The following FARS2 variants were observed in gnomAD, a reference collection of about 807,000 sequenced individuals.
FARS2 encodes phenylalanine--tRNA ligase, mitochondrial.
FARS2 carries 40 observed loss-of-function variants against 46.4 expected under a neutral mutation model. The ratio of observed to expected loss-of-function variants is 0.86; its 90% CI spans 0.67 to 1.12. The LOEUF (loss-of-function observed/expected upper bound fraction) is 1.12, where lower values mean the gene tolerates loss of function less well. Ranked by LOEUF, FARS2 falls within the 50% of genes most tolerant of loss-of-function variation. The pLI is 0.00. For synonymous variants in FARS2, 234 were observed against 214.9 expected, an observed-to-expected ratio of 1.09 and a Z score of -0.78; for missense variants, 513 against 567.9, an observed-to-expected ratio of 0.90 and a Z score of 0.98.
intron 6 of FARS2, among the ~76,000 whole-genome samples, chr6:5,660,562 C>T (rs1409676642): frequency 6.6e-6 from 1 of 151,588 alleles, no homozygotes; most frequent in Non-Finnish European, 1.5e-5. Context: ...GTGGGGGGAT[C>T]CCCTGAGCCC....
At chr6:5,488,824 C>T (rs1327335480) in intron 4 of FARS2, among the ~76,000 whole-genome samples, 1 of 152,146 alleles carries the variant, frequency 6.6e-6, no homozygotes, top group Non-Finnish European at 1.5e-5. Flanking sequence ...TTTCTTCCTG[C>T]TTTCCTCAGA....
intron 4 of FARS2, among the ~76,000 whole-genome samples, chr6:5,446,049 A>G (rs1036044027): frequency 6.6e-5 from 10 of 152,016 alleles, no homozygotes; most frequent in African/African-American, 2.4e-4. Flanking sequence ...AGAAATACAA[A>G]AAAATTAGCC....
At chr6:5,478,157 C>T (rs1766237423) in intron 4 of FARS2, among the ~76,000 whole-genome samples, 1 of 152,166 alleles carries the variant, frequency 6.6e-6, no homozygotes, top group South Asian at 2.1e-4. Context: ...GACACTCAGT[C>T]AATATGTGTG....
intron 6 of FARS2, among the ~76,000 whole-genome samples, chr6:5,653,214 A>G (rs1039681717): frequency 5.3e-5 from 8 of 152,198 alleles, no homozygotes; most frequent in African/African-American, 1.9e-4. Context: ...TTAGACATTA[A>G]TGAACCTGAA....
chr6:5,299,013 A>G (rs1290216345), intron 1 of FARS2, among the ~76,000 whole-genome samples: 2 of 152,050 alleles, frequency 1.3e-5, no homozygotes, highest in Admixed American at 1.3e-4. Flanking sequence ...TTATGTCTTT[A>G]TAGAGTATGT....
At chr6:5,292,469 A>G (rs112939719) in intron 1 of FARS2, among the ~76,000 whole-genome samples, 117 of 152,280 alleles carry the variant, frequency 7.7e-4, no homozygotes, top group African/African-American at 2.6e-3. Context: ...TGCCAGAGTG[A>G]TATGGGATTT....
At chr6:5,278,060 C>T (rs1378496351) in intron 1 of FARS2, among the ~76,000 whole-genome samples, 17 of 152,178 alleles carry the variant, frequency 1.1e-4, no homozygotes, top group Admixed American at 1.1e-3. Context: ...TATCATCTCA[C>T]ATAAAGCAGC....
chr6:5,426,481 A>G (rs190253919), intron 3 of FARS2, among the ~76,000 whole-genome samples: 2 of 152,364 alleles, frequency 1.3e-5, no homozygotes, highest in East Asian at 1.9e-4. Flanking sequence ...TCAACTAGAT[A>G]TAATAATACC....
intron 2 of FARS2, among the ~76,000 whole-genome samples, chr6:5,379,552 A>G (rs1330165966): frequency 6.6e-6 from 1 of 152,168 alleles, no homozygotes; most frequent in Non-Finnish European, 1.5e-5. Flanking sequence ...TCCTTCCCGC[A>G]GCTGTGGTTC....
intron 6 of FARS2, among the ~76,000 whole-genome samples, chr6:5,713,579 A>G (rs186820933): frequency 6.6e-6 from 1 of 152,374 alleles, no homozygotes; most frequent in East Asian, 1.9e-4. Flanking sequence ...CTCTTGTAGC[A>G]TAGCAAATGC....
chr6:5,678,979 G>A (rs1778898673), intron 6 of FARS2, among the ~76,000 whole-genome samples: 1 of 152,192 alleles, frequency 6.6e-6, no homozygotes, highest in African/African-American at 2.4e-5. Context: ...TTAGGCTGCA[G>A]TCTTGTCTTG....
chr6:5,674,045 G>GACC (rs892812739), intron 6 of FARS2, among the ~76,000 whole-genome samples: 6 of 151,850 alleles, frequency 4.0e-5, no homozygotes, highest in Non-Finnish European at 7.4e-5. Flanking sequence ...CCAAAATATT[G>GACC]AAGTGGAAGG....
chr6:5,399,938 G>A (rs1282249693), intron 2 of FARS2, among the ~76,000 whole-genome samples: 1 of 152,106 alleles, frequency 6.6e-6, no homozygotes, highest in African/African-American at 2.4e-5. Context: ...AAAATTTTGT[G>A]CATGTGTATT....
At chr6:5,572,528 A>G (rs1277192274) in intron 5 of FARS2, among the ~76,000 whole-genome samples, 2 of 152,072 alleles carry the variant, frequency 1.3e-5, no homozygotes, top group South Asian at 4.2e-4. Context: ...TAAGAAAGAG[A>G]TCGATGACTG....
At chr6:5,421,728 G>C (rs1762561017) in intron 3 of FARS2, among the ~76,000 whole-genome samples, 1 of 152,156 alleles carries the variant, frequency 6.6e-6, no homozygotes, top group Admixed American at 6.6e-5. Flanking sequence ...CATAACAAAA[G>C]TTACTTTGCT....
chr6:5,260,623 CG>C (rs1365371604), upstream of FARS2: 3 of 1,520,700 alleles, frequency 2.0e-6, no homozygotes, highest in Non-Finnish European at 2.6e-6. Context: ...CCCCCGCCCC[CG>C]GCCCCCGGTG....
At chr6:5,444,208 C>CGT (rs1463730523) in intron 4 of FARS2, among the ~76,000 whole-genome samples, 17 of 151,906 alleles carry the variant, frequency 1.1e-4, no homozygotes, top group Middle Eastern at 6.8e-3. Flanking sequence ...ATGGCTCAAG[C>CGT]CTGTAATCCG....
At chr6:5,445,103 T>C (rs747519971) in intron 4 of FARS2, among the ~76,000 whole-genome samples, 1 of 152,162 alleles carries the variant, frequency 6.6e-6, no homozygotes, top group Non-Finnish European at 1.5e-5. Context: ...TAGCACCACA[T>C]AGAAAATTGC....
chr6:5,707,959 TATC>T (rs1253214117), intron 6 of FARS2, among the ~76,000 whole-genome samples: 4 of 152,152 alleles, frequency 2.6e-5, no homozygotes, highest in African/African-American at 9.7e-5. Context: ...CTGTGGCAAA[TATC>T]ATGGAATCTT....
Sources: allele counts gnomAD v4.1 joint callset (sites outside exome capture counted in the v4.1 genomes callset), GRCh38; gene constraint gnomAD v4.1.1; transcripts MANE v1.5; gene names NCBI Gene and HGNC (gene_info 2026-07-23, HGNC 2026-07-21).